DEUP1: variants seen among roughly 807,000 people sequenced by gnomAD.
The protein encoded by DEUP1 is deuterosome assembly protein 1, also known as coiled-coil domain containing 67.
DEUP1 carries 82 observed loss-of-function variants against 87.4 expected under a neutral mutation model. The ratio of observed to expected loss-of-function variants is 0.94; its 90% CI spans 0.78 to 1.13. The LOEUF is 1.13. Among genes scored for constraint, DEUP1 ranks in the 50% most tolerant of loss-of-function variants. The pLI is 0.00. For missense variants in DEUP1, 663 were observed against 681.5 expected (o/e 0.97, Z 0.30); for synonymous variants, 214 against 222.7 (o/e 0.96, Z 0.35).
chr11:93,408,652 T>C (rs961349374), intron 12 of DEUP1, among the ~76,000 whole-genome samples: 1 of 152,172 alleles, frequency 6.6e-6, no homozygotes, highest in Non-Finnish European at 1.5e-5. Flanking sequence ...AGTTTGTTAG[T>C]CATCTCAGAT....
chr11:93,418,428 A>G (rs956380489), intron 13 of DEUP1, among the ~76,000 whole-genome samples: 2 of 150,694 alleles, frequency 1.3e-5, no homozygotes, highest in African/African-American at 4.9e-5. Context: ...AACACATGAA[A>G]AAATGCTCAC....
intron 2 of DEUP1, among the ~76,000 whole-genome samples, chr11:93,340,478 C>T (rs1382505850): frequency 4.6e-5 from 7 of 152,168 alleles, no homozygotes; most frequent in Admixed American, 4.6e-4. Context: ...TTAGTCAAGG[C>T]TTCAGATTTC....
At chr11:93,370,266 TACAA>T in intron 6 of DEUP1, 80 bp downstream of exon 6, 1 of 747,690 alleles carries the variant, frequency 1.3e-6, no homozygotes, top group East Asian at 2.9e-5. Flanking sequence ...GTAATCTATT[TACAA>T]ACAGACATGC....
chr11:93,417,979 T>G (rs79414252), intron 13 of DEUP1, among the ~76,000 whole-genome samples: 1 of 150,364 alleles, frequency 6.7e-6, no homozygotes, highest in East Asian at 2.0e-4. Flanking sequence ...GCTAGCCATA[T>G]GTAGAAAGCT....
intron 11 of DEUP1, among the ~76,000 whole-genome samples, chr11:93,402,793 C>T (rs190787550): frequency 6.6e-6 from 1 of 152,000 alleles, no homozygotes; most frequent in East Asian, 1.9e-4. Flanking sequence ...TGCATGTTCT[C>T]ACTCATATGT....
intron 3 of DEUP1, 34 bp from the exon 4 acceptor site, chr11:93,356,914 G>C: frequency 6.9e-7 from 1 of 1,453,838 alleles, no homozygotes; most frequent in Non-Finnish European, 9.4e-7. Context: ...GCAAAATTTA[G>C]AAAAAGCAAA....
intron 2 of DEUP1, among the ~76,000 whole-genome samples, chr11:93,335,504 A>T (rs1218701967): frequency 6.6e-6 from 1 of 152,202 alleles, no homozygotes; most frequent in Non-Finnish European, 1.5e-5. Flanking sequence ...GAAGATCTTC[A>T]CTATAATTGT....
chr11:93,371,208 AAGC>A lies in DEUP1; in HGVS notation c.720_722del (p.Ser240del). 1.2e-6 allele frequency: 2 copies of A among 1,613,162 alleles called. No individual in the cohort carries two copies. Among genetic ancestry groups the A allele is most frequent in the Non-Finnish European group, 8.5e-7 (1 of 1,179,448 alleles). Reference sequence around the variant, plus strand: ...AATCAGCTGTAAATGAGATAGCACTAAGCAGGAATAAATTACAAGATGAAAATC... The same window carrying A: ...AATCAGCTGTAAATGAGATAGCACTAAGGAATAAATTACAAGATGAAAATC... On this transcript the variant is annotated inframe_deletion, in exon 7 of 14. Coordinates refer to ENST00000298050, the MANE Select transcript of DEUP1 (RefSeq NM_181645.4).
intron 2 of DEUP1, among the ~76,000 whole-genome samples, chr11:93,349,598 C>T (rs1399459333): frequency 1.4e-5 from 2 of 142,580 alleles, no homozygotes; most frequent in African/African-American, 2.6e-5. Context: ...AAAAAAAAAA[C>T]TTGTTCAAAG....
chr11:93,415,406 C>T (rs1471127107), intron 13 of DEUP1, among the ~76,000 whole-genome samples: 1 of 152,084 alleles, frequency 6.6e-6, no homozygotes, highest in African/African-American at 2.4e-5. Flanking sequence ...ACTCACCCTT[C>T]AATATTCCAT....
intron 11 of DEUP1, among the ~76,000 whole-genome samples, chr11:93,404,153 T>C (rs928053253): frequency 2.6e-5 from 4 of 152,112 alleles, no homozygotes; most frequent in African/African-American, 9.6e-5. Flanking sequence ...AGCTCCCATT[T>C]GGGGAATGTA....
At chr11:93,427,552 G>C (rs1947962000) in intron 13 of DEUP1, among the ~76,000 whole-genome samples, 1 of 151,500 alleles carries the variant, frequency 6.6e-6, no homozygotes, top group Admixed American at 6.6e-5. Flanking sequence ...TACCATTCAG[G>C]ACATAGGCAT....
At chr11:93,356,740 T>C (rs1057083755) in intron 3 of DEUP1, among the ~76,000 whole-genome samples, 1 of 152,180 alleles carries the variant, frequency 6.6e-6, no homozygotes, top group African/African-American at 2.4e-5. Context: ...ATCCGTACTG[T>C]CCTAATGTGT....
In DEUP1 at chr11:93,341,069, G is replaced by T. The variant is rs557182374; in HGVS notation, c.29+8781G>T. Reference sequence around the variant, plus strand: ...GCAGCATTCTTATTTTGGGTTCCTAGAGAAGCCAGCTCTGAGATAAGAATT... The same window carrying T: ...GCAGCATTCTTATTTTGGGTTCCTATAGAAGCCAGCTCTGAGATAAGAATT... On this transcript the variant is annotated intron_variant, in intron 2 of 13. Transcript: ENST00000298050. 8.5e-5 allele frequency among the ~76,000 whole-genome samples: 13 copies of T among 152,288 alleles called. No homozygotes were observed. The East Asian group carries it at 2.3e-3, about 27-fold the overall frequency.
At chr11:93,416,191 C>A (rs1352165770) in intron 13 of DEUP1, among the ~76,000 whole-genome samples, 2 of 151,968 alleles carry the variant, frequency 1.3e-5, no homozygotes, top group Admixed American at 6.6e-5. Context: ...CAGAGCAGAA[C>A]TGAAGGAAAT....
intron 13 of DEUP1, among the ~76,000 whole-genome samples, chr11:93,419,243 A>G (rs1947779185): frequency 6.6e-6 from 1 of 151,818 alleles, no homozygotes; most frequent in Admixed American, 6.6e-5. Context: ...AGATCCCCAC[A>G]CTGCTACTGC....
rs372964771 is a variant in DEUP1 at position 93,415,004 on chromosome 11, A to T, written c.1528A>T (p.Ser510Cys). 4 of 1,550,224 alleles carry T rather than the reference A, an allele frequency of 2.6e-6. No individual in the cohort carries two copies. The highest frequency in any genetic ancestry group is 2.8e-5 in the African/African-American group (2 of 72,028). ...CAACCATTTCTTCTCTTTTAGACTTAGTCATGACTGTGAGCCAAACAGAAG... is the reference window on the plus strand; with the variant it reads ...CAACCATTTCTTCTCTTTTAGACTTTGTCATGACTGTGAGCCAAACAGAAG... ...IKVEQNEERL[S>C]HDCEPNRSTM... is the part of the protein sequence containing the mutation. The change falls in exon 13 of 14, where the codon AGT becomes TGT. Residue 510 changes from serine to cysteine, a missense_variant. Physicochemically the swap from Ser to Cys is moderately radical, Grantham distance 112. Transcript: ENST00000298050.
chr11:93,405,316 CCT>C (rs1947237862), intron 11 of DEUP1, among the ~76,000 whole-genome samples: 1 of 151,954 alleles, frequency 6.6e-6, no homozygotes, highest in Non-Finnish European at 1.5e-5. Context: ...AATAAGCACT[CCT>C]TTATCTTCTA....
At chr11:93,386,270 C>A (rs751732253) in intron 8 of DEUP1, among the ~76,000 whole-genome samples, 8 of 151,572 alleles carry the variant, frequency 5.3e-5, no homozygotes, top group Admixed American at 2.6e-4. Context: ...TTTTTTTTCT[C>A]TTTTAAAATC....
Sources: gnomAD v4.1 joint callset for allele counts (sites outside exome capture counted in the v4.1 genomes callset) on GRCh38, gnomAD v4.1.1 for gene constraint, MANE v1.5 for transcripts, NCBI Gene and HGNC (gene_info 2026-07-23, HGNC 2026-07-21) for gene names.